The following ANKFN1 variants were observed in gnomAD, a reference collection of about 807,000 sequenced individuals.
ANKFN1 encodes the protein ankyrin repeat and fibronectin type III domain containing 1.
A neutral mutation model predicts 108.7 loss-of-function variants in ANKFN1; 74 were observed. The observed-to-expected ratio is 0.68, with a 90% confidence interval of 0.56 to 0.83. The LOEUF is 0.83. ANKFN1 is among the 40% of genes least tolerant of loss of function. The probability of loss-of-function intolerance (pLI) is 0.00; values close to 1 mark genes in which losing one functional copy is unlikely to be tolerated. For missense variants in ANKFN1, 1,505 were observed against 1,382.3 expected, an observed-to-expected ratio of 1.09 and a Z score of -1.41; for synonymous variants, 547 against 516.2, an observed-to-expected ratio of 1.06 and a Z score of -0.81.
rs933591958 is a variant in ANKFN1, at chr17:56,399,327, T to G, written c.910+24613T>G. 1.2e-4 allele frequency among the ~76,000 whole-genome samples: 18 copies of G among 152,116 alleles called. No individual in the cohort carries two copies. The East Asian group carries it at 3.5e-3, about 29-fold the overall frequency. ...GCATTTATACCATAGTATGGTTTAA[T>G]ATCGAGAAAAAAACTCAACCTCACT... On this transcript the variant is annotated intron_variant, in intron 8 of 20. Coordinates refer to ENST00000682825, the MANE Select transcript of ANKFN1 (RefSeq NM_001370326.1).
At position 56,457,375 on chromosome 17, in the gene ANKFN1, C is replaced by A. The variant is rs755943142; in HGVS notation, c.1426C>A (p.Leu476Met). Residue 476 changes from leucine to methionine, a missense_variant, in exon 13 of 21, where the codon CTG (leucine) becomes ATG (methionine). Transcript: ENST00000682825. ...CACCAGTTCTATTACACAAGATTTTCTGTGGTTCACGAAGGTATACTAAGT... is the reference window on the plus strand; with the variant it reads ...CACCAGTTCTATTACACAAGATTTTATGTGGTTCACGAAGGTATACTAAGT... ...SHTSSITQDFLWFTKLSCMWE... is the reference protein window; with the variant it reads ...SHTSSITQDFMWFTKLSCMWE... 1 of 1,595,240 alleles carries A rather than the reference C, an allele frequency of 6.3e-7. No homozygotes were observed. The highest frequency in any genetic ancestry group is 1.9e-5 in the Admixed American group (1 of 53,750).
chr17:56,253,236 T>G (rs2043278399), intron 3 of ANKFN1, among the ~76,000 whole-genome samples: 1 of 152,144 alleles, frequency 6.6e-6, no homozygotes, highest in East Asian at 1.9e-4. Context: ...GAAGAAAACA[T>G]AAATTTTGGT....
intron 6 of ANKFN1, among the ~76,000 whole-genome samples, chr17:56,364,608 G>T (rs570112358): frequency 2.6e-5 from 4 of 152,336 alleles, no homozygotes; most frequent in African/African-American, 9.6e-5. Flanking sequence ...CACTCAAGTG[G>T]CTTGCATGTT....
chr17:56,140,772 A>G (rs1326760945), intron 4 of ANKFN1, among the ~76,000 whole-genome samples: 1 of 152,216 alleles, frequency 6.6e-6, no homozygotes, highest in African/African-American at 2.4e-5. Context: ...ACAAATGTGT[A>G]TGTTCCCTAA....
chr17:56,046,776 C>T (rs1167776500), intron 4 of ANKFN1, among the ~76,000 whole-genome samples: 2 of 152,174 alleles, frequency 1.3e-5, no homozygotes, highest in Non-Finnish European at 2.9e-5. Context: ...CTCTGGTTCT[C>T]AGCTGGAGTT....
intron 3 of ANKFN1, among the ~76,000 whole-genome samples, chr17:56,306,616 T>C (rs1306539489): frequency 6.6e-6 from 1 of 152,100 alleles, no homozygotes; most frequent in Non-Finnish European, 1.5e-5. Context: ...TGCTCATGGG[T>C]AGAAAGAATC....
chr17:56,465,265 T>C (rs2050036104), intron 14 of ANKFN1, among the ~76,000 whole-genome samples: 1 of 152,212 alleles, frequency 6.6e-6, no homozygotes, highest in South Asian at 2.1e-4. Flanking sequence ...AATCATAATC[T>C]TGCCAAATGA....
At chr17:56,489,500 G>C (rs1368866312) in intron 18 of ANKFN1, among the ~76,000 whole-genome samples, 6 of 150,012 alleles carry the variant, frequency 4.0e-5, no homozygotes, top group Admixed American at 3.3e-4. Flanking sequence ...AAGCGTTATA[G>C]TTGAAACCTC....
rs563263538 is a variant in ANKFN1 at position 56,492,827 on chromosome 17, T to C, written c.2427+474T>C. 5.3e-5 allele frequency among the ~76,000 whole-genome samples: 8 copies of C among 152,290 alleles called. No individual in the cohort carries two copies. In the South Asian group the frequency reaches 1.7e-3, roughly 32 times the overall value. On this transcript the variant is annotated intron_variant, in intron 19 of 20. Coordinates refer to ENST00000682825, the MANE Select transcript of ANKFN1 (RefSeq NM_001370326.1). Reference sequence around the variant, plus strand: ...CTTCTTTCTCACAGAATTGACACTTTAATATGTGGCTGTTAAGATCAGAAA... The same window carrying C: ...CTTCTTTCTCACAGAATTGACACTTCAATATGTGGCTGTTAAGATCAGAAA...
At chr17:56,421,800 G>A (rs1030171030) in intron 8 of ANKFN1, among the ~76,000 whole-genome samples, 1 of 152,084 alleles carries the variant, frequency 6.6e-6, no homozygotes, top group African/African-American at 2.4e-5. Flanking sequence ...TTACTCATTA[G>A]GAATCATAAT....
intron 3 of ANKFN1, among the ~76,000 whole-genome samples, chr17:56,243,522 G>T (rs1181476175): frequency 1.3e-5 from 2 of 152,102 alleles, no homozygotes; most frequent in Non-Finnish European, 2.9e-5. Flanking sequence ...AAACTGAGAA[G>T]ACCTACATTA....
At chr17:56,201,858 G>A (rs1292690579) in intron 1 of ANKFN1, among the ~76,000 whole-genome samples, 1 of 152,062 alleles carries the variant, frequency 6.6e-6, no homozygotes, top group Non-Finnish European at 1.5e-5. Context: ...AGACCATAAG[G>A]CAACTCGCAA....
intron 3 of ANKFN1, among the ~76,000 whole-genome samples, chr17:56,253,281 G>C (rs536703918): frequency 1.3e-5 from 2 of 152,156 alleles, no homozygotes; most frequent in Non-Finnish European, 2.9e-5. Flanking sequence ...ACTCTCAGAA[G>C]AAATACAACT....
intron 1 of ANKFN1, among the ~76,000 whole-genome samples, chr17:56,188,579 G>GTCTATATATATA: frequency 1.4e-5 from 1 of 71,398 alleles, no homozygotes; most frequent in East Asian, 4.3e-4. Flanking sequence ...GTGTGTGTGT[G>GTCTATATATATA]TGTATATATA....
intron 3 of ANKFN1, among the ~76,000 whole-genome samples, chr17:56,296,042 A>T (rs1045626916): frequency 6.6e-6 from 1 of 152,172 alleles, no homozygotes; most frequent in Non-Finnish European, 1.5e-5. Flanking sequence ...GTATGGATGT[A>T]TATGTACTAA....
intron 8 of ANKFN1, among the ~76,000 whole-genome samples, chr17:56,375,810 C>T (rs953513659): frequency 2.0e-5 from 3 of 152,092 alleles, no homozygotes; most frequent in Admixed American, 6.5e-5. Flanking sequence ...CATTTAAAGC[C>T]GTTTAAAGTT....
intron 3 of ANKFN1, among the ~76,000 whole-genome samples, chr17:56,306,229 T>C (rs2044820310): frequency 6.6e-6 from 1 of 152,242 alleles, no homozygotes; most frequent in Non-Finnish European, 1.5e-5. Context: ...GTATTAAATG[T>C]ATATGCTAAC....
At chr17:56,443,064 G>A (rs2049165611) in intron 10 of ANKFN1, 131 bp downstream of exon 10, 2 of 749,524 alleles carry the variant, frequency 2.7e-6, no homozygotes, top group African/African-American at 1.8e-5. Flanking sequence ...CAGCATCTGG[G>A]CCACATAATG....
intron 3 of ANKFN1, among the ~76,000 whole-genome samples, chr17:56,288,684 A>G (rs1327142075): frequency 6.6e-6 from 1 of 152,214 alleles, no homozygotes; most frequent in Non-Finnish European, 1.5e-5. Context: ...ATGCTAGGAA[A>G]TAACAAATAT....
Sources: allele counts gnomAD v4.1 joint callset (sites outside exome capture counted in the v4.1 genomes callset), GRCh38; gene constraint gnomAD v4.1.1; transcripts MANE v1.5; gene names NCBI Gene and HGNC (gene_info 2026-07-23, HGNC 2026-07-21).